Variants in RGS6 observed in about 807,000 individuals in gnomAD.
RGS6 encodes regulator of G-protein signaling 6.
A neutral mutation model predicts 78.5 loss-of-function variants in RGS6; 30 were observed. That is an observed-to-expected ratio of 0.38 (90% CI 0.29 to 0.52). The LOEUF is 0.52. RGS6 is among the 20% of genes least tolerant of loss of function. The pLI is 0.85. For synonymous variants in RGS6, 206 were observed against 206.0 expected (o/e 1.00, Z 0.00); for missense variants, 495 against 609.7 (o/e 0.81, Z 1.98).
In RGS6 at chr14:71,996,075, T is replaced by C. The variant is rs117361733; in HGVS notation, c.84+31200T>C. On this transcript the variant is annotated intron_variant, in intron 2 of 17. Coordinates refer to ENST00000553525, the MANE Select transcript of RGS6 (RefSeq NM_001204424.2). ...GTACACTGTTGAGCATGCAGGTGTA[T>C]ATCCTGCAGGCAAGAAGGGCTGCTG... 5.0e-4 allele frequency among the ~76,000 whole-genome samples: 76 copies of C among 152,152 alleles called. 1 individual carries two copies. In the East Asian group the frequency reaches 0.014, roughly 28 times the overall value.
chr14:72,285,365 T>C (rs2062348211), intron 2 of RGS6, among the ~76,000 whole-genome samples: 1 of 152,200 alleles, frequency 6.6e-6, no homozygotes. Context: ...TCCTCCATAC[T>C]GTTCTCATGG....
chr14:72,098,826 T>G (rs1597520524), intron 2 of RGS6, among the ~76,000 whole-genome samples: 1 of 152,168 alleles, frequency 6.6e-6, no homozygotes, highest in Admixed American at 6.5e-5. Flanking sequence ...CATTGGTGGG[T>G]AAGTTGTTCT....
intron 2 of RGS6, among the ~76,000 whole-genome samples, chr14:72,035,839 T>A (rs963788509): frequency 1.3e-5 from 2 of 152,196 alleles, no homozygotes; most frequent in Non-Finnish European, 2.9e-5. Context: ...TTTATTTATT[T>A]GTTTTAACTT....
intron 2 of RGS6, among the ~76,000 whole-genome samples, chr14:72,022,710 T>G (rs1309946145): frequency 8.7e-5 from 1 of 11,500 alleles, no homozygotes; most frequent in Non-Finnish European, 1.3e-4. Flanking sequence ...GCTCTTTCAC[T>G]CTTTGGCTGG....
At chr14:72,312,920 CTT>C (rs1429966756) in intron 2 of RGS6, among the ~76,000 whole-genome samples, 1 of 152,186 alleles carries the variant, frequency 6.6e-6, no homozygotes, top group Non-Finnish European at 1.5e-5. Flanking sequence ...GCTTTGGAGA[CTT>C]TGCTTTTTTG....
chr14:72,117,157 G>A (rs2095913724), intron 2 of RGS6, among the ~76,000 whole-genome samples: 2 of 152,086 alleles, frequency 1.3e-5, no homozygotes, highest in African/African-American at 4.8e-5. Context: ...GGGAACAAAT[G>A]TGGCATGTTG....
intron 2 of RGS6, among the ~76,000 whole-genome samples, chr14:72,057,881 C>T (rs138906134): frequency 4.6e-5 from 7 of 152,234 alleles, no homozygotes; most frequent in Non-Finnish European, 4.4e-5. Flanking sequence ...CAATCAATGC[C>T]GGATTAGCTC....
At chr14:72,201,122 C>T (rs1354678033) in intron 2 of RGS6, among the ~76,000 whole-genome samples, 1 of 152,114 alleles carries the variant, frequency 6.6e-6, no homozygotes, top group African/African-American at 2.4e-5. Context: ...TTGGGGAGCC[C>T]GCGTTGGAAA....
intron 2 of RGS6, among the ~76,000 whole-genome samples, chr14:72,286,858 A>T (rs1405389311): frequency 6.8e-6 from 1 of 146,652 alleles, no homozygotes; most frequent in Non-Finnish European, 1.5e-5. Context: ...ATCTCGGCTC[A>T]CTGCAATCTC....
chr14:72,211,760 A>G (rs2044228749), intron 2 of RGS6, among the ~76,000 whole-genome samples: 1 of 152,202 alleles, frequency 6.6e-6, no homozygotes, highest in African/African-American at 2.4e-5. Context: ...AATTTAGGAA[A>G]CCATGTCCAG....
intron 12 of RGS6, among the ~76,000 whole-genome samples, chr14:72,486,937 T>A (rs2096497413): frequency 6.6e-6 from 1 of 151,652 alleles, no homozygotes; most frequent in South Asian, 2.1e-4. Flanking sequence ...CAGCGTGGGG[T>A]GTTCTTTCAC....
intron 13 of RGS6, among the ~76,000 whole-genome samples, chr14:72,505,802 G>C (rs1053384949): frequency 1.3e-5 from 2 of 152,220 alleles, no homozygotes; most frequent in Admixed American, 1.3e-4. Flanking sequence ...ATAGGGCACT[G>C]TAAGGAAAGC....
intron 3 of RGS6, among the ~76,000 whole-genome samples, chr14:72,434,697 G>T (rs1206941140): frequency 6.6e-6 from 1 of 152,176 alleles, no homozygotes; most frequent in Non-Finnish European, 1.5e-5. Context: ...AGTCAACATA[G>T]TCCTAGAATA....
At chr14:72,480,361 A>G (rs1229826793) in intron 12 of RGS6, among the ~76,000 whole-genome samples, 1 of 152,166 alleles carries the variant, frequency 6.6e-6, no homozygotes, top group East Asian at 1.9e-4. Flanking sequence ...AGCCCGGCCC[A>G]TCCTATTGTT....
At chr14:72,296,815 T>C (rs577467035) in intron 2 of RGS6, among the ~76,000 whole-genome samples, 7 of 152,338 alleles carry the variant, frequency 4.6e-5, no homozygotes, top group East Asian at 1.9e-4. Context: ...TTTTCTCTTA[T>C]GGTTATTGCG....
At chr14:72,096,965 G>T (rs2153516026) in intron 2 of RGS6, among the ~76,000 whole-genome samples, 1 of 152,322 alleles carries the variant, frequency 6.6e-6, no homozygotes, top group South Asian at 2.1e-4. Context: ...GAAGCAAAGG[G>T]TGAGGATACC....
intron 13 of RGS6, among the ~76,000 whole-genome samples, chr14:72,496,694 A>T (rs2096649399): frequency 6.6e-6 from 1 of 152,238 alleles, no homozygotes; most frequent in Non-Finnish European, 1.5e-5. Context: ...CTTTTGGCCC[A>T]GGGGCACTGT....
chr14:72,110,991 G>T (rs141524999), intron 2 of RGS6, among the ~76,000 whole-genome samples: 1 of 152,090 alleles, frequency 6.6e-6, no homozygotes, highest in East Asian at 1.9e-4. Context: ...CTTTTGTGAG[G>T]TTACTTTCCA....
intron 2 of RGS6, among the ~76,000 whole-genome samples, chr14:72,170,939 C>T (rs531009404): frequency 6.6e-6 from 1 of 152,156 alleles, no homozygotes; most frequent in Non-Finnish European, 1.5e-5. Flanking sequence ...CTGATAATTG[C>T]TGTCTGTGTT....
Sources: gnomAD v4.1 joint callset for allele counts (sites outside exome capture counted in the v4.1 genomes callset) on GRCh38, gnomAD v4.1.1 for gene constraint, MANE v1.5 for transcripts, NCBI Gene and HGNC (gene_info 2026-07-23, HGNC 2026-07-21) for gene names.